The following FARS2 variants were observed in gnomAD, a reference collection of about 807,000 sequenced individuals.
The protein encoded by FARS2 is phenylalanine--tRNA ligase, mitochondrial.
A neutral mutation model predicts 46.4 loss-of-function variants in FARS2; 40 were observed. The ratio of observed to expected loss-of-function variants is 0.86; its 90% CI spans 0.67 to 1.12. FARS2 has a LOEUF of 1.12. Ranked by LOEUF, FARS2 falls within the 50% of genes most tolerant of loss-of-function variation. The pLI is 0.00. For synonymous variants in FARS2, 234 were observed against 214.9 expected (o/e 1.09, Z -0.78); for missense variants, 513 against 567.9 (o/e 0.90, Z 0.98).
At chr6:5,436,893 T>C (rs952467703) in intron 4 of FARS2, among the ~76,000 whole-genome samples, 1 of 152,250 alleles carries the variant, frequency 6.6e-6, no homozygotes, top group African/African-American at 2.4e-5. Context: ...TTGAATATTT[T>C]TCCCAATTTT....
At chr6:5,513,561 C>T (rs995697084) in intron 4 of FARS2, among the ~76,000 whole-genome samples, 2 of 152,324 alleles carry the variant, frequency 1.3e-5, no homozygotes, top group Admixed American at 6.5e-5. Context: ...CCATCCAGGG[C>T]GCCTGTGTCT....
intron 6 of FARS2, among the ~76,000 whole-genome samples, chr6:5,724,216 G>A (rs1420424914): frequency 6.6e-6 from 1 of 152,208 alleles, no homozygotes; most frequent in Admixed American, 6.5e-5. Flanking sequence ...TCAGCCATCA[G>A]AGACCTGAGA....
At chr6:5,369,630 A>G (rs1758915223) in intron 2 of FARS2, among the ~76,000 whole-genome samples, 1 of 152,160 alleles carries the variant, frequency 6.6e-6, no homozygotes, top group Admixed American at 6.5e-5. Context: ...TAGGGGCCTG[A>G]TGATTTATTG....
At chr6:5,547,568 G>A (rs1771111231) in intron 5 of FARS2, among the ~76,000 whole-genome samples, 1 of 152,176 alleles carries the variant, frequency 6.6e-6, no homozygotes, top group Non-Finnish European at 1.5e-5. Flanking sequence ...CTGCAGCAGA[G>A]TTTGGGATCT....
chr6:5,324,358 ATCTAT>A lies in FARS2; in HGVS notation c.-21-44190_-21-44186del, dbSNP rs1770202958. On this transcript the variant is annotated intron_variant, in intron 1 of 6. Coordinates refer to ENST00000274680, the MANE Select transcript of FARS2 (RefSeq NM_006567.5). Reference sequence around the variant, plus strand: ...GTTTTGCTGTATCAATTAATTTATAATCTATTTCACCTTTCTCTTTCCTTACTTGC... The same window carrying A: ...GTTTTGCTGTATCAATTAATTTATAATTCACCTTTCTCTTTCCTTACTTGC... 2.0e-5 allele frequency among the ~76,000 whole-genome samples: 3 copies of A among 150,884 alleles called. No individual in the cohort carries two copies. The South Asian group carries it at 6.3e-4, about 32-fold the overall frequency.
At chr6:5,515,104 C>T (rs559534254) in intron 4 of FARS2, among the ~76,000 whole-genome samples, 39 of 152,052 alleles carry the variant, frequency 2.6e-4, no homozygotes, top group African/African-American at 8.4e-4. Context: ...TAAAGATGGA[C>T]GTATTGTAAT....
intron 1 of FARS2, among the ~76,000 whole-genome samples, chr6:5,349,802 G>T (rs575787674): frequency 4.6e-5 from 7 of 151,520 alleles, no homozygotes; most frequent in Non-Finnish European, 1.0e-4. Flanking sequence ...ATTTAAAGAA[G>T]TACCTGTCAG....
At chr6:5,363,258 G>A (rs1185386557) in intron 1 of FARS2, among the ~76,000 whole-genome samples, 1 of 152,014 alleles carries the variant, frequency 6.6e-6, no homozygotes, top group African/African-American at 2.4e-5. Flanking sequence ...TTGCTTTCTT[G>A]CTGTTGAGTT....
At chr6:5,645,494 C>T (rs1777032060) in intron 6 of FARS2, among the ~76,000 whole-genome samples, 1 of 152,216 alleles carries the variant, frequency 6.6e-6, no homozygotes, top group South Asian at 2.1e-4. Flanking sequence ...CCAGGTTTCA[C>T]AGATTCATTT....
intron 6 of FARS2, among the ~76,000 whole-genome samples, chr6:5,756,627 T>TC (rs1762220451): frequency 6.6e-6 from 1 of 152,030 alleles, no homozygotes; most frequent in Admixed American, 6.6e-5. Flanking sequence ...ACCAGATCCC[T>TC]CCCCCAACAC....
chr6:5,345,108 A>G (rs1247320196), intron 1 of FARS2, among the ~76,000 whole-genome samples: 1 of 151,982 alleles, frequency 6.6e-6, no homozygotes, highest in Non-Finnish European at 1.5e-5. Flanking sequence ...TTGCCTTTCT[A>G]TAATGTAATA....
chr6:5,723,580 TTCTC>T (rs1456314396), intron 6 of FARS2, among the ~76,000 whole-genome samples: 2 of 152,212 alleles, frequency 1.3e-5, no homozygotes, highest in Admixed American at 6.5e-5. Context: ...CAGGTGGAGA[TTCTC>T]TCTCCTGTAT....
intron 1 of FARS2, among the ~76,000 whole-genome samples, chr6:5,286,237 C>T (rs1286025053): frequency 6.6e-6 from 1 of 152,032 alleles, no homozygotes; most frequent in Non-Finnish European, 1.5e-5. Context: ...TTATAGTATC[C>T]TGTGGTGCTT....
At chr6:5,410,565 A>G (rs1191462465) in intron 3 of FARS2, among the ~76,000 whole-genome samples, 2 of 152,192 alleles carry the variant, frequency 1.3e-5, no homozygotes, top group Admixed American at 1.3e-4. Context: ...AGCTTCTGAA[A>G]AATGTCTTGG....
At chr6:5,469,775 T>C (rs1765710552) in intron 4 of FARS2, among the ~76,000 whole-genome samples, 1 of 152,220 alleles carries the variant, frequency 6.6e-6, no homozygotes, top group Non-Finnish European at 1.5e-5. Flanking sequence ...ACAACTTTTC[T>C]TTTTCCTTTA....
At chr6:5,563,840 C>T (rs1772158364) in intron 5 of FARS2, among the ~76,000 whole-genome samples, 1 of 152,132 alleles carries the variant, frequency 6.6e-6, no homozygotes, top group South Asian at 2.1e-4. Flanking sequence ...ATAAAGAAGA[C>T]TGGAATTTAT....
chr6:5,591,354 A>C (rs1773907638), intron 5 of FARS2, among the ~76,000 whole-genome samples: 1 of 152,238 alleles, frequency 6.6e-6, no homozygotes, highest in Non-Finnish European at 1.5e-5. Context: ...AGTTGATTGA[A>C]TATGAGAAGA....
At chr6:5,318,387 CAAAAAAAAAAA>C (rs753113504) in intron 1 of FARS2, among the ~76,000 whole-genome samples, 6 of 77,196 alleles carry the variant, frequency 7.8e-5, no homozygotes, top group Admixed American at 4.1e-4. Flanking sequence ...AAAAAAAAAC[CAAAAAAAAAAA>C]AAAAAAAAAC....
chr6:5,736,471 C>T (rs915795033), intron 6 of FARS2, among the ~76,000 whole-genome samples: 1 of 152,128 alleles, frequency 6.6e-6, no homozygotes, highest in Non-Finnish European at 1.5e-5. Flanking sequence ...GAGAATTCTC[C>T]TCCTCCTCCT....
Sources: gnomAD v4.1 joint callset for allele counts (sites outside exome capture counted in the v4.1 genomes callset) on GRCh38, gnomAD v4.1.1 for gene constraint, MANE v1.5 for transcripts, NCBI Gene and HGNC (gene_info 2026-07-23, HGNC 2026-07-21) for gene names.